Variants in BMP6 observed in about 807,000 individuals in gnomAD.
BMP6 encodes the protein bone morphogenetic protein 6.
Under a neutral mutation model 54.1 loss-of-function variants are expected in BMP6, and 17 were observed. The observed-to-expected ratio is 0.31, with a 90% confidence interval of 0.22 to 0.47. The LOEUF is 0.47. Ranked by LOEUF, BMP6 falls within the 20% of genes least tolerant of loss-of-function variation. BMP6 has a pLI of 1.00. For missense variants in BMP6, 720 were observed against 690.4 expected (o/e 1.04, Z -0.48); for synonymous variants, 328 against 291.2 (o/e 1.13, Z -1.28).
intron 1 of BMP6, among the ~76,000 whole-genome samples, chr6:7,809,266 A>G (rs1435399322): frequency 1.3e-5 from 2 of 152,328 alleles, no homozygotes; most frequent in African/African-American, 4.8e-5. Context: ...TGGGAAATAG[A>G]TATCATGTGT....
At chr6:7,809,666 G>C (rs1236972116) in intron 1 of BMP6, among the ~76,000 whole-genome samples, 1 of 152,220 alleles carries the variant, frequency 6.6e-6, no homozygotes. Context: ...GGAAGCTTCA[G>C]ACTCCGTAAA....
rs567201699 is a variant in BMP6, at chr6:7,845,555, A to G, written c.857+223A>G. On this transcript the variant is annotated intron_variant, in intron 2 of 6. Coordinates refer to ENST00000283147, the MANE Select transcript of BMP6 (RefSeq NM_001718.6). ...TTTTCCTAAGAAAGCTAGTGAATGTATTTATTATAAGCATCTTTTGTGATC... is the reference window on the plus strand; with the variant it reads ...TTTTCCTAAGAAAGCTAGTGAATGTGTTTATTATAAGCATCTTTTGTGATC... 5.9e-5 allele frequency among the ~76,000 whole-genome samples: 9 copies of G among 152,330 alleles called. 1 individual carries two copies. Among genetic ancestry groups the G allele is most frequent in the African/African-American group, 2.2e-4 (9 of 41,578 alleles).
intron 1 of BMP6, among the ~76,000 whole-genome samples, chr6:7,759,391 TC>T (rs1312490830): frequency 6.6e-6 from 1 of 152,118 alleles, no homozygotes; most frequent in Non-Finnish European, 1.5e-5. Context: ...TCAGCTTTTT[TC>T]CCCTTGAGGT....
At chr6:7,835,629 T>C (rs1354005689) in intron 1 of BMP6, among the ~76,000 whole-genome samples, 1 of 152,202 alleles carries the variant, frequency 6.6e-6, no homozygotes, top group Non-Finnish European at 1.5e-5. Flanking sequence ...TGATTGCTTC[T>C]TTAAGGCAGC....
intron 1 of BMP6, among the ~76,000 whole-genome samples, chr6:7,836,473 AGTGG>A (rs958003404): frequency 7.2e-5 from 11 of 152,250 alleles, no homozygotes; most frequent in African/African-American, 2.6e-4. Context: ...GTGAAATCAG[AGTGG>A]GTGTGGTCTA....
intron 1 of BMP6, among the ~76,000 whole-genome samples, chr6:7,741,827 T>G (rs1046404670): frequency 1.3e-5 from 2 of 152,258 alleles, no homozygotes; most frequent in East Asian, 1.9e-4. Context: ...GCGTTGGCTC[T>G]GCTACCCCTC....
intron 1 of BMP6, among the ~76,000 whole-genome samples, chr6:7,816,661 T>G (rs1013229796): frequency 1.3e-5 from 2 of 152,256 alleles, no homozygotes; most frequent in African/African-American, 4.8e-5. Flanking sequence ...ACTAATGGTT[T>G]GTTTATTAAT....
intron 4 of BMP6, among the ~76,000 whole-genome samples, chr6:7,872,811 TTTC>T (rs1759549808): frequency 1.7e-5 from 2 of 120,042 alleles, no homozygotes; most frequent in Non-Finnish European, 3.3e-5. Context: ...ATTCTTTTTT[TTTC>T]TTTTTTTTTT....
At chr6:7,794,621 AGG>A (rs1414881477) in intron 1 of BMP6, among the ~76,000 whole-genome samples, 3 of 149,380 alleles carry the variant, frequency 2.0e-5, no homozygotes, top group African/African-American at 5.0e-5. Context: ...AAAAAAAAAA[AGG>A]AGAAGAAGAA....
chr6:7,774,723 C>T (rs1757839060), intron 1 of BMP6, among the ~76,000 whole-genome samples: 1 of 152,188 alleles, frequency 6.6e-6, no homozygotes, highest in South Asian at 2.1e-4. Context: ...AAGATCAACA[C>T]AATACATTTT....
At chr6:7,761,325 A>T (rs1422080932) in intron 1 of BMP6, among the ~76,000 whole-genome samples, 1 of 152,222 alleles carries the variant, frequency 6.6e-6, no homozygotes, top group African/African-American at 2.4e-5. Context: ...TTGGCTGGTT[A>T]TGATAGTAAG....
At chr6:7,801,613 T>G (rs1365420705) in intron 1 of BMP6, among the ~76,000 whole-genome samples, 1 of 152,178 alleles carries the variant, frequency 6.6e-6, no homozygotes, top group Non-Finnish European at 1.5e-5. Context: ...AAGAAGTCTG[T>G]CCAGATAATA....
intron 1 of BMP6, among the ~76,000 whole-genome samples, chr6:7,818,921 A>C (rs1471307358): frequency 1.3e-5 from 2 of 152,236 alleles, no homozygotes; most frequent in African/African-American, 4.8e-5. Context: ...TGAAATTGGC[A>C]AGACATTCTT....
intron 4 of BMP6, among the ~76,000 whole-genome samples, chr6:7,873,477 C>G (rs1759562076): frequency 6.6e-6 from 1 of 152,144 alleles, no homozygotes; most frequent in Non-Finnish European, 1.5e-5. Flanking sequence ...GTTCACCAAC[C>G]TGGAAGCTCC....
At chr6:7,873,073 T>A (rs1460519456) in intron 4 of BMP6, among the ~76,000 whole-genome samples, 1 of 152,160 alleles carries the variant, frequency 6.6e-6, no homozygotes, top group Non-Finnish European at 1.5e-5. Context: ...CCAATAGTGC[T>A]GGGATTACAG....
chr6:7,753,536 C>T (rs148811308), intron 1 of BMP6, among the ~76,000 whole-genome samples: 3 of 152,278 alleles, frequency 2.0e-5, no homozygotes, highest in East Asian at 3.9e-4. Context: ...TTCTGCACAG[C>T]GGTAACCCAG....
At chr6:7,790,232 A>G (rs1374635251) in intron 1 of BMP6, among the ~76,000 whole-genome samples, 1 of 152,110 alleles carries the variant, frequency 6.6e-6, no homozygotes, top group Non-Finnish European at 1.5e-5. Context: ...AACACACACA[A>G]GGCTGGGTGC....
chr6:7,834,485 T>C (rs571468018), intron 1 of BMP6, among the ~76,000 whole-genome samples: 1 of 151,452 alleles, frequency 6.6e-6, no homozygotes, highest in African/African-American at 2.4e-5. Context: ...CCATTGAAAA[T>C]GACAGCACAA....
At chr6:7,756,127 C>T (rs181044239) in intron 1 of BMP6, among the ~76,000 whole-genome samples, 106 of 152,108 alleles carry the variant, frequency 7.0e-4, no homozygotes, top group South Asian at 4.2e-4. Flanking sequence ...TTTCCTCTTT[C>T]GTCACCTCCT....
Sources: gnomAD v4.1 joint callset for allele counts (sites outside exome capture counted in the v4.1 genomes callset) on GRCh38, gnomAD v4.1.1 for gene constraint, MANE v1.5 for transcripts, NCBI Gene and HGNC (gene_info 2026-07-23, HGNC 2026-07-21) for gene names.